Variants in CDH12 observed in about 807,000 individuals in gnomAD.
CDH12 encodes the protein cadherin 12, also known as cadherin-12.
CDH12 carries 41 observed loss-of-function variants against 74.1 expected under a neutral mutation model. The observed-to-expected ratio is 0.55, with a 90% confidence interval of 0.43 to 0.72. The LOEUF (loss-of-function observed/expected upper bound fraction) is 0.72. Ranked by LOEUF, CDH12 falls within the 30% of genes least tolerant of loss-of-function variation. The pLI, the probability that CDH12 is intolerant of heterozygous loss-of-function variation, is 0.00. For missense variants in CDH12, 945 were observed against 977.2 expected (o/e 0.97, Z 0.44); for synonymous variants, 399 against 355.0 (o/e 1.12, Z -1.39).
At chr5:21,857,138 T>A (rs1363730507) in intron 6 of CDH12, among the ~76,000 whole-genome samples, 1 of 151,796 alleles carries the variant, frequency 6.6e-6, no homozygotes, top group Non-Finnish European at 1.5e-5. Context: ...TTTTCAGTGC[T>A]TGGATAGCAC....
At chr5:21,902,280 T>A (rs573874693) in intron 6 of CDH12, among the ~76,000 whole-genome samples, 1 of 150,308 alleles carries the variant, frequency 6.7e-6, no homozygotes, top group African/African-American at 2.4e-5. Flanking sequence ...ATATTACATA[T>A]GTATTATATG....
chr5:22,447,562 T>C (rs977283152), intron 2 of CDH12, among the ~76,000 whole-genome samples: 4 of 152,058 alleles, frequency 2.6e-5, no homozygotes, highest in Admixed American at 6.6e-5. Flanking sequence ...TTGGATTAAA[T>C]CACATGTGTA....
intron 2 of CDH12, among the ~76,000 whole-genome samples, chr5:22,500,732 G>A (rs1220681805): frequency 6.6e-6 from 1 of 152,098 alleles, no homozygotes; most frequent in Non-Finnish European, 1.5e-5. Flanking sequence ...AGGTTAAGAA[G>A]ATGAATGCTC....
chr5:22,377,024 A>G (rs1741559066), intron 3 of CDH12, among the ~76,000 whole-genome samples: 1 of 152,168 alleles, frequency 6.6e-6, no homozygotes, highest in African/African-American at 2.4e-5. Context: ...ATGGGACCTT[A>G]CTGAAGGCAA....
chr5:22,778,844 GT>G (rs139881269), intron 1 of CDH12, among the ~76,000 whole-genome samples: 1 of 151,856 alleles, frequency 6.6e-6, no homozygotes, highest in Non-Finnish European at 1.5e-5. Context: ...AAATCTGTGG[GT>G]TTTTTGGTCA....
chr5:22,747,460 CA>C (rs773289338), intron 1 of CDH12, among the ~76,000 whole-genome samples: 2,826 of 60,496 alleles, frequency 0.047, 77 homozygotes, highest in African/African-American at 0.14. Context: ...CCTGTCTGTA[CA>C]AAAAAAAAAA....
intron 2 of CDH12, among the ~76,000 whole-genome samples, chr5:22,409,614 T>C (rs1219991176): frequency 6.6e-6 from 1 of 152,132 alleles, no homozygotes; most frequent in African/African-American, 2.4e-5. Context: ...AGGGTCTTTC[T>C]TCTGCTTAAA....
chr5:22,117,499 ATAAT>A (rs1745228341), intron 4 of CDH12, among the ~76,000 whole-genome samples: 2 of 75,962 alleles, frequency 2.6e-5, no homozygotes, highest in African/African-American at 1.2e-4. Flanking sequence ...TTATATATAT[ATAAT>A]ATATATATAA....
At chr5:22,741,072 A>C (rs930768035) in intron 1 of CDH12, among the ~76,000 whole-genome samples, 1 of 152,188 alleles carries the variant, frequency 6.6e-6, no homozygotes, top group Non-Finnish European at 1.5e-5. Flanking sequence ...ACTGATATCT[A>C]GTGTAACTCA....
intron 1 of CDH12, among the ~76,000 whole-genome samples, chr5:22,736,401 T>C (rs1309457701): frequency 6.6e-6 from 1 of 151,858 alleles, no homozygotes; most frequent in East Asian, 1.9e-4. Flanking sequence ...GCAAAAGATA[T>C]TTGCAAGAAA....
At chr5:22,091,051 T>G (rs1364472170) in intron 4 of CDH12, among the ~76,000 whole-genome samples, 2 of 151,860 alleles carry the variant, frequency 1.3e-5, no homozygotes, top group Admixed American at 1.3e-4. Flanking sequence ...CTCGTGTCTT[T>G]ACGACATTCT....
intron 1 of CDH12, among the ~76,000 whole-genome samples, chr5:22,832,124 C>T (rs1736643519): frequency 2.6e-5 from 4 of 152,142 alleles, no homozygotes; most frequent in South Asian, 2.1e-4. Context: ...TGGGCTTTGG[C>T]ATCAGAAACA....
chr5:22,312,110 C>T (rs2920751), intron 3 of CDH12, among the ~76,000 whole-genome samples: 151,193 of 152,118 alleles, frequency 0.99, 75,149 homozygotes, highest in Middle Eastern at 1. Flanking sequence ...AGTAGATATA[C>T]AAACCCTGAC....
At chr5:22,457,779 C>T (rs1210459178) in intron 2 of CDH12, among the ~76,000 whole-genome samples, 3 of 152,010 alleles carry the variant, frequency 2.0e-5, no homozygotes, top group African/African-American at 7.3e-5. Flanking sequence ...GAGTCTTGCT[C>T]TGTCACCCAG....
At chr5:22,769,559 G>T (rs1746698591) in intron 1 of CDH12, among the ~76,000 whole-genome samples, 1 of 151,982 alleles carries the variant, frequency 6.6e-6, no homozygotes, top group African/African-American at 2.4e-5. Context: ...CCTATCGTGG[G>T]ACTTCGCCCT....
intron 6 of CDH12, among the ~76,000 whole-genome samples, chr5:21,920,250 C>A: frequency 6.6e-6 from 1 of 152,122 alleles, no homozygotes; most frequent in Non-Finnish European, 1.5e-5. Context: ...GATGAGACAT[C>A]ATGTGAGCAG....
chr5:22,062,960 T>A (rs896249661), intron 5 of CDH12, among the ~76,000 whole-genome samples: 3 of 152,140 alleles, frequency 2.0e-5, no homozygotes, highest in Non-Finnish European at 4.4e-5. Flanking sequence ...CTCAAAAAGC[T>A]ACACAACTCA....
At chr5:22,786,883 T>A (rs1747653935) in intron 1 of CDH12, among the ~76,000 whole-genome samples, 1 of 151,942 alleles carries the variant, frequency 6.6e-6, no homozygotes, top group African/African-American at 2.4e-5. Context: ...CACATCTGGC[T>A]AATTTTTTGT....
In CDH12 at chr5:22,102,377, G is replaced by T. The variant is rs114553709; in HGVS notation, c.-186-23515C>A. Among the ~76,000 whole-genome samples the T allele has an allele frequency of 5.4e-3, 825 of 152,162 alleles. 7 individuals carry two copies. The highest frequency in any genetic ancestry group is 0.018 in the African/African-American group (756 of 41,524). On this transcript the variant is annotated intron_variant, in intron 4 of 14. Transcript: ENST00000382254. ...CCTCCAAAAAGCATTTGTTGAAAACGTAATCCCCTGGCAGGGCACGGTGGC... is the reference window on the plus strand; with the variant it reads ...CCTCCAAAAAGCATTTGTTGAAAACTTAATCCCCTGGCAGGGCACGGTGGC...
Sources: allele counts gnomAD v4.1 joint callset (sites outside exome capture counted in the v4.1 genomes callset), GRCh38; gene constraint gnomAD v4.1.1; transcripts MANE v1.5; gene names NCBI Gene and HGNC (gene_info 2026-07-23, HGNC 2026-07-21).